FKBP3: variants seen among roughly 807,000 people sequenced by gnomAD.
The protein encoded by FKBP3 is peptidyl-prolyl cis-trans isomerase FKBP3.
FKBP3 carries 21 observed loss-of-function variants against 30.6 expected under a neutral mutation model. The observed-to-expected ratio is 0.69, with a 90% CI of 0.49 to 0.99. FKBP3 has a LOEUF of 0.99. Among genes scored for constraint, FKBP3 ranks in the 50% least tolerant of loss-of-function variants. The pLI, the probability that FKBP3 is intolerant of heterozygous loss-of-function variation, is 0.00. For synonymous variants in FKBP3, 82 were observed against 91.3 expected, an observed-to-expected ratio of 0.90 and a Z score of 0.58; for missense variants, 283 against 261.6, an observed-to-expected ratio of 1.08 and a Z score of -0.56.
intron 3 of FKBP3, among the ~76,000 whole-genome samples, chr14:45,129,390 C>T (rs928397726): frequency 1.3e-5 from 2 of 152,168 alleles, no homozygotes; most frequent in Admixed American, 1.3e-4. Context: ...CCACATCCTG[C>T]AGCCAAGCCT....
chr14:45,134,294 G>C, intron 1 of FKBP3, 55 bp downstream of exon 1: 2 of 1,363,546 alleles, frequency 1.5e-6, no homozygotes, highest in Non-Finnish European at 2.1e-6. Context: ...GCATCTCCAG[G>C]GGGGTGAGGC....
At chr14:45,116,524 T>C (rs1884842141) in intron 6 of FKBP3, among the ~76,000 whole-genome samples, 2 of 151,956 alleles carry the variant, frequency 1.3e-5, no homozygotes, top group African/African-American at 2.4e-5. Context: ...TTAAAGTTTT[T>C]ATGAGGTAGT....
At chr14:45,132,457 G>A (rs1341652659) in intron 1 of FKBP3, among the ~76,000 whole-genome samples, 1 of 151,982 alleles carries the variant, frequency 6.6e-6, no homozygotes, top group Non-Finnish European at 1.5e-5. Flanking sequence ...GAGTGCAGTG[G>A]CCCAATCTCG....
rs1385593805 is a variant in FKBP3, at chr14:45,118,046, T to G, written c.602A>C (p.Lys201Thr). The G allele has an allele frequency of 5.0e-6, 8 of 1,603,762 alleles. No individual in the cohort carries two copies. The highest frequency in any genetic ancestry group is 2.2e-5 in the East Asian group (1 of 44,658). ...AGGATACTTGGCATCAGGCTGTCCT[T>G]TCTTTCCGTAAGCCCATTCTGGTTC... ...EIEPEWAYGK[K>T]GQPDAKIPPN... Residue 201 changes from lysine (K) to threonine (T), a missense_variant, in exon 6 of 7, where the codon AAA becomes ACA. By Grantham distance (78) the Lys-to-Thr change is moderately conservative. Coordinates refer to ENST00000396062, the MANE Select transcript of FKBP3 (RefSeq NM_002013.4).
chr14:45,121,593 G>T lies in FKBP3; in HGVS notation c.346C>A (p.Leu116Met). 6.2e-7 allele frequency: 1 copy of T among 1,613,434 alleles called. No homozygotes were observed. Among genetic ancestry groups the T allele is most frequent in the Non-Finnish European group, 8.5e-7 (1 of 1,179,714 alleles). Residue 116 changes from leucine (L) to methionine (M), a missense_variant, in exon 4 of 7, where the codon CTG (leucine) becomes ATG (methionine). Physicochemically the swap from Leu to Met is conservative, Grantham distance 15 (BLOSUM62 2). Transcript: ENST00000396062. The stretch of plus-strand genomic sequence containing the variant: ...AAGTTGGTTTTATCTCCCTTTTTCA[G>T]AACAGATTTAGTATATTTTGGTGGA... ...EGPPKYTKSVLKKGDKTNFPK... is the reference protein window; with the variant it reads ...EGPPKYTKSVMKKGDKTNFPK...
chr14:45,127,503 C>A (rs1448599006), intron 3 of FKBP3, among the ~76,000 whole-genome samples: 1 of 152,106 alleles, frequency 6.6e-6, no homozygotes, highest in African/African-American at 2.4e-5. Flanking sequence ...CAAATACCAT[C>A]ATTTCAATAA....
chr14:45,118,534 G>C (rs1884908471), intron 5 of FKBP3, among the ~76,000 whole-genome samples: 2 of 152,090 alleles, frequency 1.3e-5, no homozygotes, highest in South Asian at 4.1e-4. Flanking sequence ...GGGAGGCTGA[G>C]GCAGGGGAAT....
chr14:45,133,831 G>T (rs1885285066), intron 1 of FKBP3, among the ~76,000 whole-genome samples: 1 of 152,192 alleles, frequency 6.6e-6, no homozygotes, highest in Non-Finnish European at 1.5e-5. Flanking sequence ...TTAAAGGGTC[G>T]ATATGTTAAA....
chr14:45,129,882 C>T lies in FKBP3; in HGVS notation c.230G>A (p.Ser77Asn), dbSNP rs908933761. 1 of 1,611,664 alleles carries T rather than the reference C, an allele frequency of 6.2e-7. No individual in the cohort carries two copies. Among genetic ancestry groups the T allele is most frequent in the Non-Finnish European group, 8.5e-7 (1 of 1,178,606 alleles). The stretch of plus-strand genomic sequence containing the variant: ...TACTTGCTCAGACACTTTACTTATA[C>T]TTTCAGTACCCTTAAAACGCTGTAA... ...FETKRFKGTE[S>N]ISKVSEQVKN... The change falls in exon 3 of 7, where the codon AGT becomes AAT. Residue 77 changes from serine to asparagine, a missense_variant. Physicochemically the swap from Ser to Asn is conservative, Grantham distance 46 (BLOSUM62 1). Coordinates refer to ENST00000396062, the MANE Select transcript of FKBP3 (RefSeq NM_002013.4).
intron 3 of FKBP3, among the ~76,000 whole-genome samples, chr14:45,127,115 C>CTTTTT (rs1231283034): frequency 4.1e-5 from 5 of 120,688 alleles, no homozygotes; most frequent in African/African-American, 1.5e-4. Context: ...CTGACCCTGT[C>CTTTTT]TTTTTTTTTT....
rs113934525 is a variant in FKBP3 at position 45,116,495 on chromosome 14, TAC to T, written c.621-245_621-244del. 3.3e-3 allele frequency among the ~76,000 whole-genome samples: 505 copies of T among 150,956 alleles called. 4 individuals are homozygous for T. Among genetic ancestry groups the T allele is most frequent in the African/African-American group, 0.012 (480 of 41,000 alleles). On this transcript the variant is annotated intron_variant, in intron 6 of 6. Transcript: ENST00000396062. ...GGGGGTGGAACAAAAAAAATATATA[TAC>T]ATATAGAGAGAGAGTATTAAAGTTT...
intron 3 of FKBP3, among the ~76,000 whole-genome samples, chr14:45,128,879 C>T (rs942119880): frequency 1.3e-5 from 2 of 152,158 alleles, no homozygotes; most frequent in Non-Finnish European, 2.9e-5. Context: ...CTTCTGAAAC[C>T]CTTCAATAAT....
At chr14:45,123,204 T>G (rs1885023267) in intron 3 of FKBP3, among the ~76,000 whole-genome samples, 1 of 149,658 alleles carries the variant, frequency 6.7e-6, no homozygotes, top group Non-Finnish European at 1.5e-5. Context: ...AAAAGTCTGA[T>G]CTCCTTGCAA....
chr14:45,133,057 T>A (rs2139090677), intron 1 of FKBP3, among the ~76,000 whole-genome samples: 1 of 152,350 alleles, frequency 6.6e-6, no homozygotes, highest in Non-Finnish European at 1.5e-5. Flanking sequence ...TAATATCTGC[T>A]AAATTAATCT....
In FKBP3 at chr14:45,122,723, T is replaced by G. The variant is rs112556752; in HGVS notation, c.319-1103A>C. 1.1e-4 allele frequency among the ~76,000 whole-genome samples: 17 copies of G among 152,108 alleles called. 3 individuals are homozygous for G. Among genetic ancestry groups the G allele is most frequent in the African/African-American group, 3.4e-4 (14 of 41,536 alleles). On this transcript the variant is annotated intron_variant, in intron 3 of 6. Transcript: ENST00000396062. ...TTTCACCATGTTGGCCAGGATGGTCTCGAACTCCAGACCTCGTGATCCGCC... is the reference window on the plus strand; with the variant it reads ...TTTCACCATGTTGGCCAGGATGGTCGCGAACTCCAGACCTCGTGATCCGCC...
intron 3 of FKBP3, among the ~76,000 whole-genome samples, chr14:45,128,207 C>G (rs942551022): frequency 6.6e-6 from 1 of 152,130 alleles, no homozygotes; most frequent in Non-Finnish European, 1.5e-5. Flanking sequence ...CATGGTGGCG[C>G]CTGCCTGGAG....
At chr14:45,132,724 C>G (rs553774618) in intron 1 of FKBP3, among the ~76,000 whole-genome samples, 1 of 151,764 alleles carries the variant, frequency 6.6e-6, no homozygotes, top group Non-Finnish European at 1.5e-5. Context: ...AATGAGCCAC[C>G]ACGACCGACC....
chr14:45,121,364 G>T, intron 4 of FKBP3, 121 bp downstream of exon 4: 2 of 753,162 alleles, frequency 2.7e-6, no homozygotes, highest in Non-Finnish European at 4.2e-6. Context: ...TTGGGGGAAA[G>T]TATGTCTGGA....
chr14:45,116,466 G>C (rs1884837501), intron 6 of FKBP3, among the ~76,000 whole-genome samples: 2 of 128,338 alleles, frequency 1.6e-5, no homozygotes, highest in Non-Finnish European at 3.3e-5. Flanking sequence ...CATTCTAGCT[G>C]GGGGGGGGTG....
Sources: allele counts gnomAD v4.1 joint callset (sites outside exome capture counted in the v4.1 genomes callset), GRCh38; gene constraint gnomAD v4.1.1; transcripts MANE v1.5; gene names NCBI Gene and HGNC (gene_info 2026-07-23, HGNC 2026-07-21).